The following THUMPD1 variants were observed in gnomAD, a reference collection of about 807,000 sequenced individuals.
The protein encoded by THUMPD1 is THUMP domain 1 NAT10 acetyltransferase adaptor.
Under a neutral mutation model 31.6 loss-of-function variants are expected in THUMPD1, and 31 were observed. The observed-to-expected ratio is 0.98, with a 90% confidence interval of 0.74 to 1.32. The LOEUF (loss-of-function observed/expected upper bound fraction) is 1.32. Among genes scored for constraint, THUMPD1 ranks in the 40% most tolerant of loss-of-function variants. The probability of loss-of-function intolerance (pLI) is 0.00; values close to 1 mark genes in which losing one functional copy is unlikely to be tolerated. For synonymous variants in THUMPD1, 166 were observed against 158.2 expected, an observed-to-expected ratio of 1.05 and a Z score of -0.37; for missense variants, 446 against 427.8, an observed-to-expected ratio of 1.04 and a Z score of -0.38.
chr16:20,741,326 G>C (rs1056248910), intron 1 of THUMPD1, among the ~76,000 whole-genome samples, 183 bp downstream of exon 1: 2 of 152,224 alleles, frequency 1.3e-5, no homozygotes, highest in Non-Finnish European at 2.9e-5. Context: ...GCACAAAACC[G>C]ATAGCACCGA....
Position 20,737,727 on chromosome 16 carries a change from T to C in THUMPD1, c.636A>G (p.Glu212=), listed in dbSNP as rs148806918. ...ACATACCTGCCAATTCTCTGATAAC[T>C]TCTTCTCTATTCACATGACTGTTAT... is the stretch of plus-strand genomic sequence containing the variant. ...SRNNSHVNRE[E]VIRELAGIVC... The change falls in exon 3 of 4, where the codon GAA becomes GAG. Residue 212 remains glutamate (E), a synonymous_variant. Transcript: ENST00000396083. 3.7e-6 allele frequency: 6 copies of C among 1,611,274 alleles called. No individual in the cohort carries two copies. In the African/African-American group the frequency reaches 5.3e-5, roughly 14 times the overall value.
rs67088894 is a variant in THUMPD1 at position 20,734,917 on chromosome 16, G to C, written c.*1963C>G. On this transcript the variant is annotated 3_prime_UTR_variant, in exon 4 of 4. Coordinates refer to ENST00000396083, the MANE Select transcript of THUMPD1 (RefSeq NM_017736.5). ...GATTCAGAGACAAGGGTTCCTCATAGGTTATATACTAGTGCTGGGAAAAGG... is the reference window on the plus strand; with the variant it reads ...GATTCAGAGACAAGGGTTCCTCATACGTTATATACTAGTGCTGGGAAAAGG... 19,437 of 152,172 alleles carry C rather than the reference G, an allele frequency of 0.13. 1,318 individuals are homozygous for C. Among genetic ancestry groups the C allele is most frequent in the East Asian group, 0.21 (1,100 of 5,182 alleles). The allele number at this position is 152,172 out of a possible 1,614,324, so 9.4% of individuals were successfully genotyped here.
chr16:20,737,942 C>A lies in THUMPD1; in HGVS notation c.421G>T (p.Val141Leu). 6.3e-7 allele frequency: 1 copy of A among 1,591,556 alleles called. No individual in the cohort carries two copies. The highest frequency in any genetic ancestry group is 2.2e-5 in the East Asian group (1 of 44,534). Reference sequence around the variant, plus strand: ...TACATATCCTGGAGAATATGATGCACCAATTTCTCAGGCTCTTAAGAAAAA... The same window carrying A: ...TACATATCCTGGAGAATATGATGCAACAATTTCTCAGGCTCTTAAGAAAAA... ...RTLGIEPEKL[V>L]HHILQDMYKT... The change falls in exon 3 of 4, where the codon GTG (valine) becomes TTG (leucine). Residue 141 changes from valine (V) to leucine (L), a missense_variant. Transcript: ENST00000396083.
rs2079894630 is a variant in THUMPD1 at position 20,738,994 on chromosome 16, A to T, written c.309T>A (p.Val103=). 1 of 1,614,162 alleles carries T rather than the reference A, an allele frequency of 6.2e-7. No homozygotes were observed. Among genetic ancestry groups the T allele is most frequent in the African/African-American group, 1.3e-5 (1 of 75,022 alleles). The change falls in exon 2 of 4, where the codon GTT becomes GTA. Residue 103 remains valine (V), a synonymous_variant. Transcript: ENST00000396083. ...TCTCTGTAGATGCCTTAATGTCACCAACTTCTTTCTTCAAGGCAGCCTCCG... is the reference window on the plus strand; with the variant it reads ...TCTCTGTAGATGCCTTAATGTCACCTACTTCTTTCTTCAAGGCAGCCTCCG... The part of the protein sequence containing the change: ...DDAEAALKKE[V]GDIKASTEMR...
Position 20,738,992 on chromosome 16 carries a change from C to G in THUMPD1, c.311G>C (p.Gly104Ala). The G allele has an allele frequency of 6.2e-7, 1 of 1,614,194 alleles. No individual in the cohort carries two copies. The highest frequency in any genetic ancestry group is 8.5e-7 in the Non-Finnish European group (1 of 1,180,034). Reference sequence around the variant, plus strand: ...CATCTCTGTAGATGCCTTAATGTCACCAACTTCTTTCTTCAAGGCAGCCTC... The same window carrying G: ...CATCTCTGTAGATGCCTTAATGTCAGCAACTTCTTTCTTCAAGGCAGCCTC... ...DAEAALKKEV[G>A]DIKASTEMRL... is the part of the protein sequence containing the mutation. Residue 104 changes from glycine to alanine, a missense_variant, in exon 2 of 4, where the codon GGT becomes GCT. Transcript: ENST00000396083.
Position 20,736,152 on chromosome 16 carries a change from G to A in THUMPD1, c.*728C>T, listed in dbSNP as rs1281950266. ...ACAATGGGACAGGAGAGCTTGGACT[G>A]AGTCCACATAATACCCTTGAGAAGT... On this transcript the variant is annotated 3_prime_UTR_variant, in exon 4 of 4. Coordinates refer to ENST00000396083, the MANE Select transcript of THUMPD1 (RefSeq NM_017736.5). 3.3e-5 allele frequency: 5 copies of A among 152,164 alleles called. No homozygotes were observed. Among genetic ancestry groups the A allele is most frequent in the East Asian group, 1.9e-4 (1 of 5,194 alleles). 9.4% of individuals were successfully genotyped at this position (152,164 alleles called of 1,614,324 possible). A position where few individuals can be genotyped will look rare whatever the true frequency, so the allele number is the denominator to read the frequency against.
intron 1 of THUMPD1, among the ~76,000 whole-genome samples, chr16:20,740,931 G>A (rs1430362324): frequency 1.3e-5 from 2 of 152,154 alleles, no homozygotes; most frequent in Non-Finnish European, 2.9e-5. Context: ...GTTTCTGAAA[G>A]AGCTTCAGCA....
At chr16:20,741,417 C>T (rs2079920033) in intron 1 of THUMPD1, 92 bp downstream of exon 1, 2 of 1,414,484 alleles carry the variant, frequency 1.4e-6, no homozygotes, top group East Asian at 5.0e-5. Flanking sequence ...CGACCCGAGG[C>T]GCGCATGCCC....
rs1324784758 is a variant in THUMPD1, at chr16:20,733,781, A to T, written c.*3099T>A. 1 of 152,150 alleles carries T rather than the reference A, an allele frequency of 6.6e-6. No homozygotes were observed. Among genetic ancestry groups the T allele is most frequent in the African/African-American group, 2.4e-5 (1 of 41,458 alleles). 9.4% of individuals were successfully genotyped at this position (152,150 alleles called of 1,614,324 possible). On this transcript the variant is annotated 3_prime_UTR_variant, in exon 4 of 4. Coordinates refer to ENST00000396083, the MANE Select transcript of THUMPD1 (RefSeq NM_017736.5). ...CAAGTAAAAATAACATTTGAAAACC[A>T]AGTTTAACCTCAGAGAATCATGTTT...
At chr16:20,741,059 T>C (rs2079914827) in intron 1 of THUMPD1, among the ~76,000 whole-genome samples, 1 of 151,308 alleles carries the variant, frequency 6.6e-6, no homozygotes, top group African/African-American at 2.4e-5. Context: ...GAGTGTAGGG[T>C]TTAGGACTAC....
rs2079864638 is a variant in THUMPD1, at chr16:20,735,863, T to G, written c.*1017A>C. 6.6e-6 allele frequency: 1 copy of G among 152,186 alleles called. No individual in the cohort carries two copies. The allele number at this position is 152,186 out of a possible 1,614,324, so 9.4% of individuals were successfully genotyped here. A position where few individuals can be genotyped will look rare whatever the true frequency, so the allele number is the denominator to read the frequency against. On this transcript the variant is annotated 3_prime_UTR_variant, in exon 4 of 4. Coordinates refer to ENST00000396083, the MANE Select transcript of THUMPD1 (RefSeq NM_017736.5). ...TCAACTTATTGAGAATAAAGTCTCT[T>G]CAACTTTGTACTGCATCTTGCCCCA... is the stretch of plus-strand genomic sequence containing the variant.
chr16:20,737,791 G>C lies in THUMPD1; in HGVS notation c.572C>G (p.Pro191Arg), dbSNP rs751544385. The stretch of plus-strand genomic sequence containing the variant: ...CACAATCTGAAATGTCCCTTTGTTT[G>C]GAGCTTTAAACCAGGGTTCCAAAAA... ...ETFLEPWFKA[P>R]NKGTFQIVYK... The change falls in exon 3 of 4, where the codon CCA becomes CGA. Residue 191 changes from proline (P) to arginine (R), a missense_variant. Coordinates refer to ENST00000396083, the MANE Select transcript of THUMPD1 (RefSeq NM_017736.5). 1.9e-6 allele frequency: 3 copies of C among 1,613,820 alleles called. No individual in the cohort carries two copies. Among genetic ancestry groups the C allele is most frequent in the Non-Finnish European group, 2.5e-6 (3 of 1,179,908 alleles).
At chr16:20,739,108 C>T (rs754465521) in intron 1 of THUMPD1, 37 bp from the exon 2 acceptor site, 2 of 1,605,088 alleles carry the variant, frequency 1.2e-6, no homozygotes, top group East Asian at 4.5e-5. Flanking sequence ...AATGACACAA[C>T]AGCTCACATT....
chr16:20,737,502 G>A (rs998780616), intron 3 of THUMPD1, among the ~76,000 whole-genome samples: 2 of 151,914 alleles, frequency 1.3e-5, no homozygotes, highest in Admixed American at 6.6e-5. Context: ...ATTCAATTTC[G>A]AGTTAAAAAA....
chr16:20,736,674 G>T lies in THUMPD1; in HGVS notation c.*206C>A. ...CCCCTCTTTGCAACAGCAGCACATG[G>T]GTCTGCCTCTACGTAATACCATAAA... On this transcript the variant is annotated 3_prime_UTR_variant, in exon 4 of 4. Transcript: ENST00000396083. 1 of 564,496 alleles carries T rather than the reference G, an allele frequency of 1.8e-6. No individual in the cohort carries two copies. The highest frequency in any genetic ancestry group is 3.1e-6 in the Non-Finnish European group (1 of 323,304). The allele number at this position is 564,496 out of a possible 1,614,324, so 35.0% of individuals were successfully genotyped here. A position where few individuals can be genotyped will look rare whatever the true frequency, so the allele number is the denominator to read the frequency against.
At chr16:20,738,051 A>C in intron 2 of THUMPD1, 95 bp from the exon 3 acceptor site, 1 of 1,188,794 alleles carries the variant, frequency 8.4e-7, no homozygotes, top group Admixed American at 2.2e-5. Flanking sequence ...ATAAGTTGAC[A>C]GAAGAAATTC....
intron 1 of THUMPD1, among the ~76,000 whole-genome samples, chr16:20,740,150 T>C (rs982014711): frequency 2.0e-5 from 3 of 152,184 alleles, no homozygotes; most frequent in Non-Finnish European, 2.9e-5. Context: ...CCCAGTACTT[T>C]AGGGGGCAGA....
Position 20,741,493 on chromosome 16 carries a change from A to AC in THUMPD1, c.231+15dup. 2 of 209,280 alleles carry AC rather than the reference A, an allele frequency of 9.6e-6. No individual in the cohort carries two copies. The highest frequency in any genetic ancestry group is 1.8e-5 in the Non-Finnish European group (2 of 109,064). 13.0% of individuals were successfully genotyped at this position (209,280 alleles called of 1,614,324 possible). On this transcript the variant is annotated intron_variant, in intron 1 of 3. Coordinates refer to ENST00000396083, the MANE Select transcript of THUMPD1 (RefSeq NM_017736.5). ...GGCCTGGCAGCCGGCCCGCCCGCCC[A>AC]CCCCGGGACCGGTACCTTTTCTGGC... is the stretch of plus-strand genomic sequence containing the variant.
At chr16:20,740,321 G>C (rs923277045) in intron 1 of THUMPD1, among the ~76,000 whole-genome samples, 1 of 152,176 alleles carries the variant, frequency 6.6e-6, no homozygotes. Context: ...CTTCAGCCCC[G>C]GAGGTGGAAG....
Sources: gnomAD v4.1 joint callset for allele counts (sites outside exome capture counted in the v4.1 genomes callset) on GRCh38, gnomAD v4.1.1 for gene constraint, MANE v1.5 for transcripts, NCBI Gene and HGNC (gene_info 2026-07-23, HGNC 2026-07-21) for gene names.